TRMT11: variants seen among roughly 807,000 people sequenced by gnomAD.
TRMT11 encodes tRNA methyltransferase 11, also known as tRNA (guanine(10)-N(2))-methyltransferase TRMT11.
In TRMT11, 53 loss-of-function variants were observed where a neutral mutation model predicts 62.8. The observed-to-expected ratio is 0.84, with a 90% CI of 0.68 to 1.06. TRMT11 has a LOEUF of 1.06. TRMT11 is among the 50% of genes least tolerant of loss of function. The probability of loss-of-function intolerance (pLI) is 0.00; values close to 1 mark genes in which losing one functional copy is unlikely to be tolerated. For missense variants in TRMT11, 556 were observed against 553.4 expected (o/e 1.00, Z -0.05); for synonymous variants, 188 against 190.3 (o/e 0.99, Z 0.10).
chr6:126,151,824 T>TTC (rs1467457225), intron 21 of TRMT11, among the ~76,000 whole-genome samples: 1 of 135,762 alleles, frequency 7.4e-6, no homozygotes, highest in Non-Finnish European at 1.6e-5. Flanking sequence ...CTTTCTTTCT[T>TTC]TCTTTCTTTC....
chr6:126,092,414 C>G (rs1777286903), intron 17 of TRMT11, among the ~76,000 whole-genome samples: 1 of 152,104 alleles, frequency 6.6e-6, no homozygotes, highest in African/African-American at 2.4e-5. Flanking sequence ...AAAGGAAAAC[C>G]CCTTAGAAAA....
At chr6:126,100,282 A>G (rs67668473) in intron 17 of TRMT11, among the ~76,000 whole-genome samples, 12,748 of 152,110 alleles carry the variant, frequency 0.084, 883 homozygotes, top group African/African-American at 0.19. Context: ...ATAGATTAGG[A>G]TTAAGGCACT....
the TRMT11 span, among the ~76,000 whole-genome samples, chr6:126,212,894 A>G: frequency 6.6e-6 from 1 of 152,122 alleles, no homozygotes; most frequent in African/African-American, 2.4e-5. Flanking sequence ...AATTAGTTTC[A>G]TAGTTTGAGG....
intron 21 of TRMT11, among the ~76,000 whole-genome samples, chr6:126,164,835 G>A (rs58770792): frequency 0.038 from 5,773 of 152,080 alleles, 371 homozygotes; most frequent in African/African-American, 0.13. Context: ...TCCTTGGTAA[G>A]TCTTCCTCCA....
chr6:126,113,620 G>A (rs1288764889), intron 18 of TRMT11, among the ~76,000 whole-genome samples: 2 of 152,012 alleles, frequency 1.3e-5, no homozygotes, highest in Admixed American at 1.3e-4. Context: ...TACTAGGCAC[G>A]TGGGATACAG....
At chr6:126,047,919 A>G (rs1228023150) in intron 16 of TRMT11, among the ~76,000 whole-genome samples, 7 of 152,230 alleles carry the variant, frequency 4.6e-5, no homozygotes, top group Non-Finnish European at 7.3e-5. Flanking sequence ...CCTCATGACT[A>G]CTAAAGTGGA....
downstream of TRMT11, among the ~76,000 whole-genome samples, chr6:126,040,544 G>A (rs1342045275): frequency 2.0e-5 from 3 of 151,972 alleles, no homozygotes; most frequent in South Asian, 2.1e-4. Context: ...TATTACTTTC[G>A]GCGTAAGTTA....
chr6:126,128,533 C>T (rs978210105), intron 21 of TRMT11, among the ~76,000 whole-genome samples: 1 of 152,066 alleles, frequency 6.6e-6, no homozygotes, highest in Non-Finnish European at 1.5e-5. Context: ...GTCCTTGGAC[C>T]ACTTACTGTG....
At chr6:126,190,942 C>A (rs1416042883) in intron 1 of TRMT11, among the ~76,000 whole-genome samples, 1 of 152,090 alleles carries the variant, frequency 6.6e-6, no homozygotes, top group Non-Finnish European at 1.5e-5. Flanking sequence ...TATTTCCTTT[C>A]TTTTGAATAT....
intron 17 of TRMT11, among the ~76,000 whole-genome samples, chr6:126,099,670 A>G (rs1434098946): frequency 6.6e-6 from 1 of 152,188 alleles, no homozygotes; most frequent in East Asian, 1.9e-4. Context: ...TCACTTGTAC[A>G]GGGGAGGCGG....
the TRMT11 span, among the ~76,000 whole-genome samples, chr6:126,237,713 A>G: frequency 6.6e-6 from 1 of 152,104 alleles, no homozygotes; most frequent in African/African-American, 2.4e-5. Context: ...AGTCTCTTAA[A>G]GAAAAACCAG....
intron 1 of TRMT11, 97 bp downstream of exon 1, chr6:125,986,719 A>G: frequency 8.3e-7 from 1 of 1,208,922 alleles, no homozygotes; most frequent in East Asian, 2.6e-5. Flanking sequence ...GGAAGCTGGG[A>G]TTCGGGGGTC....
Position 126,038,805 on chromosome 6 carries a change from T to C in TRMT11, c.1361T>C (p.Ile454Thr). 2.5e-6 allele frequency: 4 copies of C among 1,601,944 alleles called. No homozygotes were observed. Among genetic ancestry groups the C allele is most frequent in the Non-Finnish European group, 3.4e-6 (4 of 1,175,514 alleles). Residue 454 changes from isoleucine (I) to threonine (T), a missense_variant, in exon 13 of 13, where the codon ATT becomes ACT. By Grantham distance (89) the Ile-to-Thr change is moderately conservative. Coordinates refer to ENST00000334379, the MANE Select transcript of TRMT11 (RefSeq NM_001031712.3). ...EKYFSGVTKR[I>T]AKEEKSTQE The stretch of plus-strand genomic sequence containing the variant: ...TATTTTAGTGGGGTAACAAAAAGAA[T>C]TGCCAAGGAAGAAAAATCCACCCAG...
At chr6:126,120,789 C>A (rs73773369) in intron 21 of TRMT11, among the ~76,000 whole-genome samples, 2,662 of 152,188 alleles carry the variant, frequency 0.017, 58 homozygotes, top group African/African-American at 0.058. Context: ...GTGCCAGAAG[C>A]AAAGGAAGCC....
At chr6:126,035,888 C>T (rs936349637) in intron 12 of TRMT11, among the ~76,000 whole-genome samples, 3 of 152,038 alleles carry the variant, frequency 2.0e-5, no homozygotes, top group African/African-American at 7.2e-5. Context: ...TTTTATTAAT[C>T]CCTTCCTTTG....
intron 21 of TRMT11, among the ~76,000 whole-genome samples, chr6:126,139,403 C>T (rs923651505): frequency 6.6e-6 from 1 of 151,930 alleles, no homozygotes; most frequent in East Asian, 1.9e-4. Context: ...GAGTCTTGCT[C>T]TATTGCCCAG....
chr6:126,248,188 G>A, the TRMT11 span, among the ~76,000 whole-genome samples: 1 of 152,102 alleles, frequency 6.6e-6, no homozygotes, highest in South Asian at 2.1e-4. Flanking sequence ...ATCATCCTCT[G>A]AAAGACTTGC....
At chr6:126,038,491 G>A (rs1775611496) in intron 12 of TRMT11, among the ~76,000 whole-genome samples, 1 of 150,100 alleles carries the variant, frequency 6.7e-6, no homozygotes, top group African/African-American at 2.5e-5. Flanking sequence ...GAGGTCTTTT[G>A]TGAGGCTTTA....
At chr6:126,101,324 A>G (rs971038654) in intron 17 of TRMT11, among the ~76,000 whole-genome samples, 1 of 152,176 alleles carries the variant, frequency 6.6e-6, no homozygotes. Context: ...AATTAATTAT[A>G]TATATTCCAC....
Sources: allele counts gnomAD v4.1 joint callset (sites outside exome capture counted in the v4.1 genomes callset), GRCh38; gene constraint gnomAD v4.1.1; transcripts MANE v1.5; gene names NCBI Gene and HGNC (gene_info 2026-07-23, HGNC 2026-07-21).